Variants in USB1 observed in about 807,000 individuals in gnomAD.
USB1 encodes U6 snRNA biogenesis phosphodiesterase 1, also known as U6 snRNA phosphodiesterase 1.
In USB1, 21 loss-of-function variants were observed where a neutral mutation model predicts 29.9. The ratio of observed to expected loss-of-function variants is 0.70; its 90% confidence interval spans 0.50 to 1.01. The LOEUF (loss-of-function observed/expected upper bound fraction) is 1.01. USB1 is among the 50% of genes least tolerant of loss of function. USB1 has a pLI of 0.00. For synonymous variants in USB1, 143 were observed against 134.9 expected, an observed-to-expected ratio of 1.06 and a Z score of -0.42; for missense variants, 330 against 347.1, an observed-to-expected ratio of 0.95 and a Z score of 0.39.
rs940017008 is a variant in USB1 at position 58,010,530 on chromosome 16, C to T, written c.449+418C>T. ...TTAAGGACTCAGTCCCACAAGACTG[C>T]GCTCCTTGTCAGACACCATCTGCAG... On this transcript the variant is annotated intron_variant, in intron 3 of 6. Coordinates refer to ENST00000219281, the MANE Select transcript of USB1 (RefSeq NM_024598.4). 4 of 278,574 alleles carry T rather than the reference C, an allele frequency of 1.4e-5. No individual in the cohort carries two copies. In the East Asian group the frequency reaches 2.7e-4, roughly 19 times the overall value. 17.3% of individuals were successfully genotyped at this position (278,574 alleles called of 1,614,324 possible).
At chr16:58,012,335 T>C (rs1451351224) in intron 3 of USB1, 1 of 1,535,056 alleles carries the variant, frequency 6.5e-7, no homozygotes, top group Non-Finnish European at 8.7e-7. Flanking sequence ...CAGAAGCCCA[T>C]GCCAGAAGCC....
At position 58,013,408 on chromosome 16, in the gene USB1, C is replaced by G; in HGVS notation, c.450-865C>G. ...CCCTTGGGCAGATTGTGAGGCTCTA[C>G]CCAGCATGCTGGTATATTATGTTCC... On this transcript the variant is annotated intron_variant, in intron 3 of 6. Coordinates refer to ENST00000219281, the MANE Select transcript of USB1 (RefSeq NM_024598.4). This position sits in a 1 kb window ranked among gnomAD's most constrained non-coding sequence, Gnocchi z 4.3. 1.0e-6 allele frequency: 1 copy of G among 985,412 alleles called. No homozygotes were observed. Among genetic ancestry groups the G allele is most frequent in the South Asian group, 4.7e-5 (1 of 21,282 alleles). The allele number at this position is 985,412 out of a possible 1,614,324, so 61.0% of individuals were successfully genotyped here. A position where few individuals can be genotyped will look rare whatever the true frequency, so the allele number is the denominator to read the frequency against.
At chr16:58,009,064 TC>T (rs548746743) in intron 2 of USB1, among the ~76,000 whole-genome samples, 72 of 152,362 alleles carry the variant, frequency 4.7e-4, no homozygotes, top group African/African-American at 1.7e-3. Flanking sequence ...TTACTATTTT[TC>T]TTCAGATTGT....
chr16:58,006,609 A>C lies in USB1; in HGVS notation c.266-3320A>C, dbSNP rs189998109. On this transcript the variant is annotated intron_variant, in intron 2 of 6. Transcript: ENST00000219281. ...GGGAGGTGGAGGTTGCAGTGAGCGG[A>C]GAGTGCACCACTGCACTCCAGCCTG... Among the ~76,000 whole-genome samples, 1,083 of 152,324 alleles carry C rather than the reference A, an allele frequency of 7.1e-3. 16 individuals carry two copies. Among genetic ancestry groups the C allele is most frequent in the African/African-American group, 0.024 (1,011 of 41,570 alleles).
chr16:58,010,228 C>G, intron 3 of USB1, 116 bp downstream of exon 3: 1 of 1,297,514 alleles, frequency 7.7e-7, no homozygotes, highest in Non-Finnish European at 1.1e-6. Flanking sequence ...TAGAACACGG[C>G]CCCTCTCCTG....
chr16:57,999,798 A>C (rs964759441), upstream of USB1: 3 of 152,356 alleles, frequency 2.0e-5, no homozygotes, highest in African/African-American at 7.2e-5. Flanking sequence ...TACCACTCTA[A>C]GCCTTCTCGG....
intron 2 of USB1, among the ~76,000 whole-genome samples, chr16:58,006,431 G>A (rs1054165877): frequency 8.6e-5 from 13 of 150,702 alleles, no homozygotes; most frequent in South Asian, 2.1e-4. Flanking sequence ...AGGCCAAGGC[G>A]GGCAGATCAC....
chr16:58,018,903 A>C, intron 5 of USB1, 69 bp from the exon 6 acceptor site: 1 of 1,498,758 alleles, frequency 6.7e-7, no homozygotes, highest in South Asian at 1.1e-5. Flanking sequence ...GCTCTGTCAC[A>C]GACCTGCTGT....
chr16:58,008,992 T>C (rs553734123), intron 2 of USB1, among the ~76,000 whole-genome samples: 22 of 152,386 alleles, frequency 1.4e-4, no homozygotes, highest in South Asian at 4.1e-4. Flanking sequence ...TCTAATTTCA[T>C]TGTGGCCTGA....
chr16:58,016,753 T>G, intron 4 of USB1: 1 of 174,272 alleles, frequency 5.7e-6, no homozygotes, highest in South Asian at 1.3e-4. Flanking sequence ...AACGTGGAGG[T>G]TGTTGGCAAC....
Position 58,001,498 on chromosome 16 carries a change from C to G in USB1, c.15C>G (p.Pro5=), listed in dbSNP as rs765469310. 1.2e-6 allele frequency: 2 copies of G among 1,604,072 alleles called. No homozygotes were observed. Among genetic ancestry groups the G allele is most frequent in the East Asian group, 2.3e-5 (1 of 44,396 alleles). Residue 5 remains proline (P), a synonymous_variant, in exon 1 of 7, where the codon CCC becomes CCG. Coordinates refer to ENST00000219281, the MANE Select transcript of USB1 (RefSeq NM_024598.4). ...GATGAGGCCCCATGAGCGCGGCGCC[C>G]CTGGTGGGCTACAGCAGCAGCGGCT... MSAA[P]LVGYSSSGSE... is the part of the protein sequence containing the mutation.
chr16:58,019,001 G>T lies in USB1; in HGVS notation c.639G>T (p.Trp213Cys). The T allele has an allele frequency of 6.2e-7, 1 of 1,614,192 alleles. No individual in the cohort carries two copies. The highest frequency in any genetic ancestry group is 1.1e-5 in the South Asian group (1 of 91,086). Reference sequence around the variant, plus strand: ...CTTCTTTCCACCTCAGCCTGGCCTGGTGTGTGGGTGATGCACGTCTCCAGC... The same window carrying T: ...CTTCTTTCCACCTCAGCCTGGCCTGTTGTGTGGGTGATGCACGTCTCCAGC... ...QDPSFHLSLA[W>C]CVGDARLQLE... The change falls in exon 6 of 7, where the codon TGG (tryptophan) becomes TGT (cysteine). Residue 213 changes from tryptophan to cysteine, a missense_variant. Coordinates refer to ENST00000219281, the MANE Select transcript of USB1 (RefSeq NM_024598.4).
upstream of USB1, among the ~76,000 whole-genome samples, chr16:58,000,634 A>AGGGC (rs1835214822): frequency 7.1e-6 from 1 of 141,598 alleles, no homozygotes; most frequent in Non-Finnish European, 1.5e-5. This position sits in a 1 kb window ranked among gnomAD's most constrained non-coding sequence, Gnocchi z 4.5. Context: ...GAGCGCCGGG[A>AGGGC]GGGCGGGCGG....
chr16:58,012,247 C>T, intron 3 of USB1: 1 of 1,532,942 alleles, frequency 6.5e-7, no homozygotes, highest in Non-Finnish European at 8.7e-7. Flanking sequence ...TCAACCTAGT[C>T]CAGCCCTCCC....
Position 58,009,940 on chromosome 16 carries a change from G to C in USB1, c.277G>C (p.Glu93Gln). Reference sequence around the variant, plus strand: ...CTCCTCCCCTCCAGATGAAGCCAAGGAGGAGTTCCTGGATCTGCTTGATGT... The same window carrying C: ...CTCCTCCCCTCCAGATGAAGCCAAGCAGGAGTTCCTGGATCTGCTTGATGT... ...THVYVPYEAKEEFLDLLDVLL... is the reference protein window; with the variant it reads ...THVYVPYEAKQEFLDLLDVLL... The change falls in exon 3 of 7, where the codon GAG (glutamate) becomes CAG (glutamine). Residue 93 changes from glutamate (E) to glutamine (Q), a missense_variant. Coordinates refer to ENST00000219281, the MANE Select transcript of USB1 (RefSeq NM_024598.4). 6.2e-7 allele frequency: 1 copy of C among 1,613,806 alleles called. No homozygotes were observed. The highest frequency in any genetic ancestry group is 8.5e-7 in the Non-Finnish European group (1 of 1,179,956).
At position 58,008,807 on chromosome 16, in the gene USB1, C is replaced by G. The variant is rs180803948; in HGVS notation, c.266-1122C>G. Among the ~76,000 whole-genome samples, 312 of 150,842 alleles carry G rather than the reference C, an allele frequency of 2.1e-3. 3 individuals are homozygous for G. The highest frequency in any genetic ancestry group is 1.7e-3 in the South Asian group (8 of 4,786). ...ATGCTATAAATATTCTTCTAAGCACCTTTTGCTGCATTCCACAAGTTTTGA... is the reference window on the plus strand; with the variant it reads ...ATGCTATAAATATTCTTCTAAGCACGTTTTGCTGCATTCCACAAGTTTTGA... On this transcript the variant is annotated intron_variant, in intron 2 of 6. Coordinates refer to ENST00000219281, the MANE Select transcript of USB1 (RefSeq NM_024598.4).
chr16:58,000,648 G>A (rs1355448768), upstream of USB1, among the ~76,000 whole-genome samples: 1 of 148,906 alleles, frequency 6.7e-6, no homozygotes, highest in Non-Finnish European at 1.5e-5. This position sits in a 1 kb window ranked among gnomAD's most constrained non-coding sequence, Gnocchi z 4.5. Flanking sequence ...CGGGCGGACG[G>A]ACCGATGGCC....
At chr16:58,007,278 A>G (rs958292016) in intron 2 of USB1, among the ~76,000 whole-genome samples, 2 of 152,156 alleles carry the variant, frequency 1.3e-5, no homozygotes, top group Admixed American at 6.6e-5. Flanking sequence ...ATTATAGATA[A>G]TTGGTTTAAT....
Position 58,002,640 on chromosome 16 carries a change from TACCATG to T in USB1, c.261_265+1del. ...GGCAACTGGGCCACCCACGTCTATG[TACCATG>T]TGAGTGATGTGTGAAAGGCAAGTTG... On this transcript the variant is annotated splice_donor_variant and coding_sequence_variant, in exon 2 of 7. Transcript: ENST00000219281. LOFTEE classifies it high-confidence loss of function. 6.2e-7 allele frequency: 1 copy of T among 1,613,816 alleles called. No homozygotes were observed. Among genetic ancestry groups the T allele is most frequent in the Non-Finnish European group, 8.5e-7 (1 of 1,179,972 alleles).
Sources: allele counts gnomAD v4.1 joint callset (sites outside exome capture counted in the v4.1 genomes callset), GRCh38; gene constraint gnomAD v4.1.1; non-coding constraint Gnocchi (gnomAD v3.1); transcripts MANE v1.5; gene names NCBI Gene and HGNC (gene_info 2026-07-23, HGNC 2026-07-21).